DLG2: variants seen among roughly 807,000 people sequenced by gnomAD.
DLG2 encodes the protein disks large homolog 2.
DLG2 carries 45 observed loss-of-function variants against 132.5 expected under a neutral mutation model. The observed-to-expected ratio is 0.34, with a 90% CI of 0.27 to 0.44. DLG2 has a LOEUF of 0.44. Ranked by LOEUF, DLG2 falls within the 20% of genes least tolerant of loss-of-function variation. DLG2 has a pLI of 1.00. For missense variants in DLG2, 1,045 were observed against 1,196.9 expected (o/e 0.87, Z 1.87); for synonymous variants, 424 against 419.6 (o/e 1.01, Z -0.13).
At chr11:83,995,886 G>A (rs983729257) in intron 11 of DLG2, among the ~76,000 whole-genome samples, 20 of 152,100 alleles carry the variant, frequency 1.3e-4, no homozygotes, top group African/African-American at 3.4e-4. Flanking sequence ...AGAAAACATT[G>A]GGGAAGATTT....
intron 10 of DLG2, among the ~76,000 whole-genome samples, chr11:84,060,166 A>G (rs1195387174): frequency 6.6e-6 from 1 of 152,032 alleles, no homozygotes; most frequent in African/African-American, 2.4e-5. Flanking sequence ...TACAAAAATT[A>G]GCTGGGCATG....
intron 15 of DLG2, among the ~76,000 whole-genome samples, chr11:83,909,939 C>T (rs1413894756): frequency 6.6e-6 from 1 of 152,128 alleles, no homozygotes; most frequent in Non-Finnish European, 1.5e-5. Flanking sequence ...CTGTTCCTGC[C>T]CTAGAAAGTG....
At chr11:83,957,960 A>G (rs572710626) in intron 14 of DLG2, among the ~76,000 whole-genome samples, 3 of 152,282 alleles carry the variant, frequency 2.0e-5, no homozygotes, top group African/African-American at 7.2e-5. Flanking sequence ...TGCTCATCAC[A>G]TTATCCTATT....
At chr11:85,548,472 A>G (rs1220097650) in intron 3 of DLG2, among the ~76,000 whole-genome samples, 1 of 152,108 alleles carries the variant, frequency 6.6e-6, no homozygotes, top group African/African-American at 2.4e-5. Flanking sequence ...GGGGTCAGGG[A>G]CCCACTTGAG....
intron 10 of DLG2, among the ~76,000 whole-genome samples, chr11:84,087,950 C>T (rs771316769): frequency 5.9e-5 from 9 of 152,082 alleles, no homozygotes; most frequent in Non-Finnish European, 1.2e-4. Context: ...GAAAATAATA[C>T]GAAATGATTG....
intron 8 of DLG2, among the ~76,000 whole-genome samples, chr11:84,181,035 C>T (rs567503928): frequency 3.3e-5 from 5 of 151,828 alleles, no homozygotes; most frequent in Non-Finnish European, 4.4e-5. Flanking sequence ...TTTTATTTTT[C>T]TTAATCTAAC....
At chr11:84,598,621 A>G (rs932958322) in intron 6 of DLG2, among the ~76,000 whole-genome samples, 4 of 152,086 alleles carry the variant, frequency 2.6e-5, no homozygotes, top group Non-Finnish European at 5.9e-5. Context: ...TTTAGTTACT[A>G]TGTTTGTTAA....
chr11:85,150,698 TAG>T (rs1491179850), intron 5 of DLG2, among the ~76,000 whole-genome samples: 10 of 126,912 alleles, frequency 7.9e-5, no homozygotes, highest in Non-Finnish European at 1.5e-4. Context: ...TAAGGCTACA[TAG>T]TGTGTGTGTG....
At chr11:83,698,694 T>C (rs2082329318) in intron 18 of DLG2, among the ~76,000 whole-genome samples, 1 of 152,218 alleles carries the variant, frequency 6.6e-6, no homozygotes, top group Non-Finnish European at 1.5e-5. Flanking sequence ...GAGATGATAA[T>C]AATATCTTTA....
intron 3 of DLG2, among the ~76,000 whole-genome samples, chr11:85,347,967 C>CTTTTTTTT (rs35083224): frequency 2.5e-5 from 1 of 40,366 alleles, no homozygotes; most frequent in Non-Finnish European, 4.5e-5. Flanking sequence ...CCACACTTAA[C>CTTTTTTTT]TTTTTTTTTT....
chr11:83,918,874 G>C (rs2077375190), intron 15 of DLG2, among the ~76,000 whole-genome samples: 3 of 152,064 alleles, frequency 2.0e-5, no homozygotes, highest in South Asian at 2.1e-4. Context: ...TAAATTGAAG[G>C]CTTCTCATCT....
chr11:83,464,256 T>C (rs2090597338), intron 26 of DLG2, among the ~76,000 whole-genome samples: 1 of 152,242 alleles, frequency 6.6e-6, no homozygotes, highest in Non-Finnish European at 1.5e-5. Flanking sequence ...TTTATGCTCC[T>C]CTGAAGAGTC....
chr11:83,562,376 G>T (rs1218121402), intron 19 of DLG2, among the ~76,000 whole-genome samples: 2 of 151,958 alleles, frequency 1.3e-5, no homozygotes, highest in Admixed American at 1.3e-4. Flanking sequence ...ATTTTGATTC[G>T]CATAAATGTC....
intron 19 of DLG2, among the ~76,000 whole-genome samples, chr11:83,611,656 A>G (rs1489575646): frequency 2.0e-5 from 3 of 152,254 alleles, no homozygotes; most frequent in Non-Finnish European, 2.9e-5. Context: ...AAGGAAAATT[A>G]TAGAAATTCA....
chr11:84,156,576 T>G (rs1457902636), intron 9 of DLG2, among the ~76,000 whole-genome samples: 2 of 152,202 alleles, frequency 1.3e-5, no homozygotes, highest in East Asian at 3.8e-4. Flanking sequence ...TATTTGAACG[T>G]TTTGTCTGAC....
chr11:83,936,471 G>A (rs766264853), intron 14 of DLG2, among the ~76,000 whole-genome samples: 1 of 152,136 alleles, frequency 6.6e-6, no homozygotes, highest in Non-Finnish European at 1.5e-5. Context: ...AGATTGTTGG[G>A]TCATAAGTAA....
chr11:83,689,043 T>C (rs147555852), intron 18 of DLG2, among the ~76,000 whole-genome samples: 11 of 152,096 alleles, frequency 7.2e-5, no homozygotes, highest in African/African-American at 2.4e-4. Context: ...CTCCTTAGGC[T>C]CTCAGTCCAG....
At chr11:85,512,713 A>G (rs559796993) in intron 3 of DLG2, among the ~76,000 whole-genome samples, 5 of 152,136 alleles carry the variant, frequency 3.3e-5, no homozygotes, top group South Asian at 4.1e-4. Flanking sequence ...GAGGTTGCAG[A>G]AAAAAGGGAA....
intron 21 of DLG2, among the ~76,000 whole-genome samples, chr11:83,499,835 T>G (rs2094352493): frequency 1.6e-5 from 2 of 121,508 alleles, no homozygotes; most frequent in Non-Finnish European, 3.4e-5. Context: ...ATATATATAT[T>G]TCCTCCACTA....
Sources: gnomAD v4.1 joint callset for allele counts (sites outside exome capture counted in the v4.1 genomes callset) on GRCh38, gnomAD v4.1.1 for gene constraint, MANE v1.5 for transcripts, NCBI Gene and HGNC (gene_info 2026-07-23, HGNC 2026-07-21) for gene names.